OTOGL: variants seen among roughly 807,000 people sequenced by gnomAD.
OTOGL encodes the protein otogelin-like protein.
Under a neutral mutation model 318.5 loss-of-function variants are expected in OTOGL, and 285 were observed. The observed-to-expected ratio is 0.89, with a 90% CI of 0.81 to 0.99. The LOEUF is 0.99. OTOGL is among the 50% of genes least tolerant of loss of function. OTOGL has a pLI of 0.00. For missense variants in OTOGL, 2,899 were observed against 2,845.6 expected (o/e 1.02, Z -0.43); for synonymous variants, 987 against 936.5 (o/e 1.05, Z -0.99).
Position 80,305,696 on chromosome 12 carries a change from G to T in OTOGL, c.3333+1G>T. 2.0e-6 allele frequency: 3 copies of T among 1,521,652 alleles called. No individual in the cohort carries two copies. The highest frequency in any genetic ancestry group is 2.3e-5 in the Admixed American group (1 of 43,944). The allele number at this position is 1,521,652 out of a possible 1,614,324, so 94.3% of individuals were successfully genotyped here. A position where few individuals can be genotyped will look rare whatever the true frequency, so the allele number is the denominator to read the frequency against. On this transcript the variant is annotated splice_donor_variant, in intron 29 of 58. Transcript: ENST00000547103. LOFTEE classifies it high-confidence loss of function. ...TGGAGATAGTTGGGCATTAGGACAG[G>T]TAAGTTACATAAATGTATTTTAGAA...
intron 5 of OTOGL, among the ~76,000 whole-genome samples, chr12:80,218,800 T>C (rs1877993819): frequency 2.1e-5 from 3 of 143,070 alleles, no homozygotes; most frequent in Admixed American, 6.9e-5. Flanking sequence ...TCTTTCTTTT[T>C]TTTTTTTTTT....
chr12:80,152,787 TA>T (rs1872867457), intron 1 of OTOGL, among the ~76,000 whole-genome samples: 3 of 152,144 alleles, frequency 2.0e-5, no homozygotes, highest in Admixed American at 2.0e-4. Flanking sequence ...CTCCCGGGTT[TA>T]AAAGATTCTC....
intron 17 of OTOGL, among the ~76,000 whole-genome samples, chr12:80,257,367 A>G (rs1422797530): frequency 1.3e-5 from 2 of 150,872 alleles, no homozygotes; most frequent in Admixed American, 1.3e-4. Context: ...GAGAGTTGCT[A>G]GACAGGAAAT....
chr12:80,166,271 T>G (rs1305677450), intron 1 of OTOGL, among the ~76,000 whole-genome samples: 1 of 151,768 alleles, frequency 6.6e-6, no homozygotes, highest in Non-Finnish European at 1.5e-5. Flanking sequence ...CATATTTTAT[T>G]TTAAATATGA....
intron 1 of OTOGL, among the ~76,000 whole-genome samples, chr12:80,121,384 T>C (rs1230956083): frequency 6.6e-6 from 1 of 152,206 alleles, no homozygotes; most frequent in South Asian, 2.1e-4. Flanking sequence ...CTCCTTCAGA[T>C]ATTTTGGAGA....
In OTOGL at chr12:80,187,595, C is replaced by T. The variant is rs193006091; in HGVS notation, c.-19-21818C>T. 2.6e-5 allele frequency among the ~76,000 whole-genome samples: 4 copies of T among 152,264 alleles called. No individual in the cohort carries two copies. In the East Asian group the frequency reaches 5.8e-4, roughly 22 times the overall value. On this transcript the variant is annotated intron_variant, in intron 1 of 58. Transcript: ENST00000547103. ...TTATTACTAATCACATTGAACCTCACTAAGTATAAAGACAATGAATAGTAA... is the reference window on the plus strand; with the variant it reads ...TTATTACTAATCACATTGAACCTCATTAAGTATAAAGACAATGAATAGTAA...
intron 1 of OTOGL, among the ~76,000 whole-genome samples, chr12:80,133,109 C>A (rs1291153498): frequency 2.7e-5 from 4 of 149,824 alleles, no homozygotes; most frequent in African/African-American, 1.0e-4. Flanking sequence ...CTAGTTACTT[C>A]TTCTTGTTAT....
At chr12:80,338,984 A>T in intron 42 of OTOGL, 91 bp from the exon 43 acceptor site, 2 of 1,068,866 alleles carry the variant, frequency 1.9e-6, no homozygotes, top group Non-Finnish European at 2.6e-6. Context: ...AAAATAGTTT[A>T]CATTAAATCA....
At chr12:80,368,382 G>GTC (rs2138083057) in intron 55 of OTOGL, 73 bp downstream of exon 55, 1 of 830,544 alleles carries the variant, frequency 1.2e-6, no homozygotes, top group Non-Finnish European at 1.8e-6. Flanking sequence ...TTTGGAAAAT[G>GTC]TCCCCCCCCA....
chr12:80,171,632 G>T (rs1369973095), intron 1 of OTOGL, among the ~76,000 whole-genome samples: 1 of 151,846 alleles, frequency 6.6e-6, no homozygotes, highest in African/African-American at 2.4e-5. Flanking sequence ...ATCTTCCTTT[G>T]GTTTTGAATT....
chr12:80,132,641 T>C (rs1459432594), intron 1 of OTOGL: 1 of 152,216 alleles, frequency 6.6e-6, no homozygotes, highest in East Asian at 1.9e-4. Flanking sequence ...ATTATGATTA[T>C]ATATTTTGCA....
chr12:80,282,389 CTTATG>C, intron 26 of OTOGL, among the ~76,000 whole-genome samples: 2 of 151,750 alleles, frequency 1.3e-5, no homozygotes, highest in Non-Finnish European at 2.9e-5. Flanking sequence ...AAGGTTCTTG[CTTATG>C]TTTTACGTCA....
chr12:80,378,292 T>G lies in OTOGL; in HGVS notation c.*244T>G. The G allele has an allele frequency of 2.6e-6, 1 of 381,452 alleles. No individual in the cohort carries two copies. The highest frequency in any genetic ancestry group is 4.4e-5 in the South Asian group (1 of 22,928). 23.6% of individuals were successfully genotyped at this position (381,452 alleles called of 1,614,324 possible). ...AAGTTGTTCAGCTGAAATGCTGTTA[T>G]GTATTTAATTACAACTTGGTGCAGA... On this transcript the variant is annotated 3_prime_UTR_variant, in exon 59 of 59. Coordinates refer to ENST00000547103, the MANE Select transcript of OTOGL (RefSeq NM_001378609.3).
intron 52 of OTOGL, among the ~76,000 whole-genome samples, chr12:80,365,139 A>G (rs1269212096): frequency 6.6e-6 from 1 of 152,048 alleles, no homozygotes; most frequent in Non-Finnish European, 1.5e-5. Context: ...TAACACAACA[A>G]TTTCACTCCT....
chr12:80,133,995 A>G (rs1214685312), intron 1 of OTOGL, among the ~76,000 whole-genome samples: 4 of 150,386 alleles, frequency 2.7e-5, no homozygotes, highest in Non-Finnish European at 5.9e-5. Flanking sequence ...AGCTAAAATA[A>G]AAAAAAAAGT....
At chr12:80,371,673 A>G (rs1018108028) in intron 56 of OTOGL, among the ~76,000 whole-genome samples, 2 of 152,138 alleles carry the variant, frequency 1.3e-5, no homozygotes, top group African/African-American at 4.8e-5. Context: ...AGTTTAGGTT[A>G]TTTCAAGGAG....
rs758656408 is a variant in OTOGL, at chr12:80,320,660, T to C, written c.4041T>C (p.Asp1347=). Residue 1347 remains aspartate (D), a synonymous_variant, in exon 34 of 59, where the codon GAT becomes GAC. Transcript: ENST00000547103. Reference sequence around the variant, plus strand: ...GTGTCAAAGCATCAAAATATGATGATTCTGAAGAATTTAAACATTCAAGTA... The same window carrying C: ...GTGTCAAAGCATCAAAATATGATGACTCTGAAGAATTTAAACATTCAAGTA... ...DSSVKASKYD[D]SEEFKHSSSF... 1.2e-6 allele frequency: 2 copies of C among 1,607,662 alleles called. No individual in the cohort carries two copies. The highest frequency in any genetic ancestry group is 8.5e-7 in the Non-Finnish European group (1 of 1,176,644).
chr12:80,117,932 A>G (rs10778709), intron 1 of OTOGL, among the ~76,000 whole-genome samples: 75,790 of 152,016 alleles, frequency 0.5, 19,560 homozygotes, highest in Non-Finnish European at 0.58. Context: ...TCCTTATCAA[A>G]AACACATATT....
At chr12:80,262,837 A>C (rs1213266057) in intron 19 of OTOGL, among the ~76,000 whole-genome samples, 1 of 152,184 alleles carries the variant, frequency 6.6e-6, no homozygotes, top group East Asian at 1.9e-4. Flanking sequence ...ATTAATGTAC[A>C]TGCTTAAATA....
Sources: gnomAD v4.1 joint callset for allele counts (sites outside exome capture counted in the v4.1 genomes callset) on GRCh38, gnomAD v4.1.1 for gene constraint, MANE v1.5 for transcripts, NCBI Gene and HGNC (gene_info 2026-07-23, HGNC 2026-07-21) for gene names.